The following SLC24A2 variants were observed in gnomAD, a reference collection of about 807,000 sequenced individuals.
SLC24A2 encodes solute carrier family 24 member 2, also known as sodium/potassium/calcium exchanger 2.
A neutral mutation model predicts 62.0 loss-of-function variants in SLC24A2; 36 were observed. That is an observed-to-expected ratio of 0.58 (90% CI 0.44 to 0.77). The LOEUF (loss-of-function observed/expected upper bound fraction) is 0.77. Among genes scored for constraint, SLC24A2 ranks in the 30% least tolerant of loss-of-function variants. The pLI is 0.00. For synonymous variants in SLC24A2, 358 were observed against 294.0 expected (o/e 1.22, Z -2.23); for missense variants, 846 against 817.9 (o/e 1.03, Z -0.42).
At chr9:20,093,545 G>A in the SLC24A2 span, among the ~76,000 whole-genome samples, 2 of 151,864 alleles carry the variant, frequency 1.3e-5, no homozygotes, top group African/African-American at 4.8e-5. Context: ...AAGACTTCTT[G>A]GGTCATAAAC....
chr9:19,779,563 T>G (rs1793657206), intron 2 of SLC24A2, among the ~76,000 whole-genome samples: 1 of 152,020 alleles, frequency 6.6e-6, no homozygotes, highest in Non-Finnish European at 1.5e-5. Flanking sequence ...GCATCTACTA[T>G]TAACAGATTA....
At chr9:19,937,696 TATG>T in the SLC24A2 span, among the ~76,000 whole-genome samples, 6 of 152,252 alleles carry the variant, frequency 3.9e-5, no homozygotes, top group Non-Finnish European at 1.5e-5. Flanking sequence ...ATATTTTGTT[TATG>T]ATATTTGTGT....
the SLC24A2 span, among the ~76,000 whole-genome samples, chr9:19,909,621 G>A: frequency 2.0e-5 from 3 of 152,046 alleles, no homozygotes; most frequent in Non-Finnish European, 4.4e-5. Flanking sequence ...TTTTAGAAAG[G>A]TCTGTTTATG....
At chr9:19,771,010 T>C (rs1459240203) in intron 2 of SLC24A2, among the ~76,000 whole-genome samples, 3 of 152,158 alleles carry the variant, frequency 2.0e-5, no homozygotes, top group Non-Finnish European at 4.4e-5. Context: ...ACTGAGATGG[T>C]GGTACGGTAT....
the SLC24A2 span, among the ~76,000 whole-genome samples, chr9:20,247,472 T>C: frequency 6.6e-6 from 1 of 152,126 alleles, no homozygotes; most frequent in East Asian, 1.9e-4. Context: ...GAAGCCCCCA[T>C]GGATGAGACT....
At chr9:19,995,781 C>T in the SLC24A2 span, among the ~76,000 whole-genome samples, 3 of 152,162 alleles carry the variant, frequency 2.0e-5, 1 homozygote, top group African/African-American at 7.2e-5. Context: ...GGCAGTGCAC[C>T]CCAGCATCTA....
chr9:20,193,955 T>C, the SLC24A2 span, among the ~76,000 whole-genome samples: 5 of 152,138 alleles, frequency 3.3e-5, no homozygotes, highest in Non-Finnish European at 7.4e-5. Context: ...CAAAGAATTA[T>C]AGTAATCAAA....
the SLC24A2 span, among the ~76,000 whole-genome samples, chr9:20,082,559 T>A: frequency 6.6e-6 from 1 of 152,228 alleles, no homozygotes; most frequent in East Asian, 1.9e-4. Context: ...GGTGGTTTTC[T>A]CTCTGCATGG....
chr9:19,715,442 A>G (rs966076422), intron 2 of SLC24A2, among the ~76,000 whole-genome samples: 1 of 152,228 alleles, frequency 6.6e-6, no homozygotes, highest in African/African-American at 2.4e-5. Flanking sequence ...TGAAGGTACA[A>G]AAAAATGATG....
intron 2 of SLC24A2, among the ~76,000 whole-genome samples, chr9:19,636,286 C>CTTCTTCTCTTCTT (rs1818314587): frequency 2.3e-5 from 2 of 88,086 alleles, no homozygotes; most frequent in East Asian, 3.3e-4. Flanking sequence ...CTCTTCTTCT[C>CTTCTTCTCTTCTT]TTCTTTTCTT....
At chr9:20,132,154 A>C in the SLC24A2 span, among the ~76,000 whole-genome samples, 1 of 151,598 alleles carries the variant, frequency 6.6e-6, no homozygotes, top group Admixed American at 6.6e-5. Flanking sequence ...CCTTCTACCT[A>C]CTCCTGTCTT....
At chr9:20,137,690 TAC>T in the SLC24A2 span, among the ~76,000 whole-genome samples, 1 of 152,192 alleles carries the variant, frequency 6.6e-6, no homozygotes, top group Non-Finnish European at 1.5e-5. Context: ...CTAGTTCTCT[TAC>T]TACACCGCTC....
At chr9:20,145,468 T>A in the SLC24A2 span, among the ~76,000 whole-genome samples, 1 of 152,038 alleles carries the variant, frequency 6.6e-6, no homozygotes, top group Non-Finnish European at 1.5e-5. Context: ...CAACAGTGAA[T>A]AGTAATTTAT....
the SLC24A2 span, among the ~76,000 whole-genome samples, chr9:20,288,043 C>A: frequency 1.0e-4 from 14 of 136,514 alleles, no homozygotes; most frequent in Non-Finnish European, 2.0e-4. Context: ...AGGAAAAAAA[C>A]ACACACACAC....
At chr9:20,114,884 A>G in the SLC24A2 span, among the ~76,000 whole-genome samples, 1 of 152,180 alleles carries the variant, frequency 6.6e-6, no homozygotes, top group South Asian at 2.1e-4. Context: ...TTGATTCTAT[A>G]AAACAAATTG....
the SLC24A2 span, among the ~76,000 whole-genome samples, chr9:20,175,164 C>T: frequency 6.6e-6 from 1 of 151,708 alleles, no homozygotes; most frequent in South Asian, 2.1e-4. Flanking sequence ...TGTTCTCACT[C>T]GTAAGTGGGA....
At chr9:19,859,182 T>C in the SLC24A2 span, among the ~76,000 whole-genome samples, 1 of 152,252 alleles carries the variant, frequency 6.6e-6, no homozygotes, top group East Asian at 1.9e-4. Context: ...AAGAATGAGA[T>C]CATATTCTTT....
chr9:19,926,719 T>C, the SLC24A2 span: 1 of 152,446 alleles, frequency 6.6e-6, no homozygotes, highest in East Asian at 1.9e-4. Flanking sequence ...CTGCCATCTC[T>C]CTACACTGCA....
intron 2 of SLC24A2, among the ~76,000 whole-genome samples, chr9:19,671,642 C>T (rs1392871687): frequency 6.6e-6 from 1 of 152,242 alleles, no homozygotes; most frequent in Admixed American, 6.5e-5. Context: ...TGATTCTTAG[C>T]AGGAATGCTT....
Sources: gnomAD v4.1 joint callset for allele counts (sites outside exome capture counted in the v4.1 genomes callset) on GRCh38, gnomAD v4.1.1 for gene constraint, MANE v1.5 for transcripts, NCBI Gene and HGNC (gene_info 2026-07-23, HGNC 2026-07-21) for gene names.